The following TAF1 variants were observed in gnomAD, a reference collection of about 807,000 sequenced individuals.
The protein encoded by TAF1 is TATA-box binding protein associated factor 1, also known as transcription initiation factor TFIID subunit 1.
A neutral mutation model predicts 138.5 loss-of-function variants in TAF1; 2 were observed. That is an observed-to-expected ratio of 0.01 (90% confidence interval 0.01 to 0.05). TAF1 has a LOEUF of 0.05. Among genes scored for constraint, TAF1 ranks in the 10% least tolerant of loss-of-function variants. TAF1 has a pLI of 1.00. For missense variants in TAF1, 709 were observed against 1,478.0 expected (o/e 0.48, Z 8.53); for synonymous variants, 437 against 503.2 (o/e 0.87, Z 1.76).
chrX:71,489,510 C>T lies in TAF1; in HGVS notation c.1366+28707C>T, dbSNP rs960376350. Among the ~76,000 whole-genome samples, 8 of 109,879 alleles carry T rather than the reference C, an allele frequency of 7.3e-5. No individual in the cohort carries two copies. The Admixed American group carries it at 7.8e-4, about 11-fold the overall frequency. On this transcript the variant is annotated intron_variant and NMD_transcript_variant, in intron 13 of 14. Transcript: ENST00000373775. ...TGACCAACATGGAGAAACCCCGTCT[C>T]TACTGAAAATACAAAATTAGCTGGG...
chrX:71,443,054 G>T (rs1450768834), intron 32 of TAF1, among the ~76,000 whole-genome samples: 1 of 111,892 alleles, frequency 8.9e-6, no homozygotes, highest in East Asian at 2.8e-4. Context: ...TGCTGTTTTG[G>T]TTACTGTAGC....
At chrX:71,494,180 T>C (rs748810049) in intron 13 of TAF1, among the ~76,000 whole-genome samples, 1 of 111,511 alleles carries the variant, frequency 9.0e-6, no homozygotes, top group Non-Finnish European at 1.9e-5. Flanking sequence ...CCCAGCACTT[T>C]GGGAGGCCAA....
At chrX:71,513,699 T>C (rs764879324) in intron 13 of TAF1, among the ~76,000 whole-genome samples, 149 of 111,398 alleles carry the variant, frequency 1.3e-3, no homozygotes, top group South Asian at 1.9e-3. Context: ...CTGGGCAACA[T>C]AGTGAGACCC....
chrX:71,379,132 TGAG>T, intron 8 of TAF1, 101 bp downstream of exon 8: 1 of 797,534 alleles, frequency 1.3e-6, no homozygotes, highest in African/African-American at 2.4e-5. Flanking sequence ...TTTTTTTCGG[TGAG>T]ACAGAGTTTC....
chrX:71,507,654 T>C (rs938179249), intron 13 of TAF1, among the ~76,000 whole-genome samples: 3 of 110,639 alleles, frequency 2.7e-5, no homozygotes, highest in African/African-American at 9.9e-5. Context: ...GGGTTCTGCC[T>C]GTGTTGTCCA....
downstream of TAF1, among the ~76,000 whole-genome samples, chrX:71,469,784 C>T (rs59220109): frequency 0.012 from 1,322 of 111,070 alleles, 20 homozygotes; most frequent in African/African-American, 0.041. Context: ...TCACCGCAAC[C>T]TCTACCTCCC....
intron 3 of TAF1, among the ~76,000 whole-genome samples, chrX:71,373,681 C>G (rs995786051): frequency 2.7e-5 from 3 of 111,074 alleles, no homozygotes; most frequent in African/African-American, 9.8e-5. Context: ...GCAGAAGAGT[C>G]GTGGAGTTGT....
chrX:71,483,803 T>TATATATATATATAC (rs1290090578), intron 13 of TAF1, among the ~76,000 whole-genome samples: 22 of 92,852 alleles, frequency 2.4e-4, no homozygotes, highest in African/African-American at 9.0e-4. Context: ...TATATATATA[T>TATATATATATATAC]ACACACACAT....
At chrX:71,368,292 G>A in intron 3 of TAF1, 122 bp downstream of exon 3, 1 of 677,627 alleles carries the variant, frequency 1.5e-6, no homozygotes, top group Non-Finnish European at 2.2e-6. Context: ...CCTTTGCTTT[G>A]GCTCCTCCAC....
chrX:71,389,794 T>G (rs2034454042), intron 18 of TAF1, 129 bp downstream of exon 18: 7 of 462,546 alleles, frequency 1.5e-5, no homozygotes, highest in Non-Finnish European at 1.7e-5. Flanking sequence ...TGTTCTTGCT[T>G]TATTCATGCC....
intron 13 of TAF1, among the ~76,000 whole-genome samples, chrX:71,525,833 T>G (rs933081821): frequency 1.9e-5 from 2 of 106,970 alleles, no homozygotes; most frequent in African/African-American, 6.8e-5. Flanking sequence ...TTTTTGTATT[T>G]TTTTTTTTTT....
chrX:71,419,853 T>G (rs2036235274), intron 28 of TAF1, among the ~76,000 whole-genome samples: 1 of 111,795 alleles, frequency 8.9e-6, no homozygotes, highest in Non-Finnish European at 1.9e-5. Context: ...CCAGAGTGAA[T>G]AAGCAGCCTC....
At chrX:71,374,681 A>T (rs2033342744) in intron 3 of TAF1, among the ~76,000 whole-genome samples, 1 of 110,313 alleles carries the variant, frequency 9.1e-6, no homozygotes, top group Admixed American at 9.7e-5. Flanking sequence ...TTCTGGGCTC[A>T]AGTGATCTGC....
chrX:71,424,362 C>T, intron 32 of TAF1, 124 bp downstream of exon 32: 1 of 403,191 alleles, frequency 2.5e-6, no homozygotes, highest in Non-Finnish European at 4.0e-6. Flanking sequence ...AGGCTGGATG[C>T]TGTGGTGTGA....
At chrX:71,502,057 A>C (rs985730465) in intron 13 of TAF1, among the ~76,000 whole-genome samples, 1 of 111,191 alleles carries the variant, frequency 9.0e-6, no homozygotes, top group Non-Finnish European at 1.9e-5. Flanking sequence ...TATTGTGAAG[A>C]GTGAAAGAAC....
intron 13 of TAF1, among the ~76,000 whole-genome samples, chrX:71,504,763 A>G (rs1432888236): frequency 2.0e-5 from 2 of 101,161 alleles, no homozygotes; most frequent in African/African-American, 7.4e-5. Flanking sequence ...AAAAAAAAAA[A>G]AAAAAAAAAA....
At position 71,463,703 on chromosome X, in the gene TAF1, AC is replaced by A. The variant is rs778936460; in HGVS notation, c.5400-119del. The A allele has an allele frequency of 1.3e-4, 85 of 654,826 alleles. No homozygotes were observed. In the African/African-American group the frequency reaches 1.7e-3, roughly 13 times the overall value. 54.0% of individuals were successfully genotyped at this position (654,826 alleles called of 1,213,427 possible). On this transcript the variant is annotated intron_variant, in intron 37 of 37. Transcript: ENST00000423759. Reference sequence around the variant, plus strand: ...TCAGGGACATGTAGAATAGTCCAGAACCAGTCACTTTAGTGTCCAGGGGAGG... The same window carrying A: ...TCAGGGACATGTAGAATAGTCCAGAACAGTCACTTTAGTGTCCAGGGGAGG...
At chrX:71,406,158 G>C (rs1216518123) in intron 25 of TAF1, among the ~76,000 whole-genome samples, 1 of 109,435 alleles carries the variant, frequency 9.1e-6, no homozygotes, top group Admixed American at 9.9e-5. Flanking sequence ...GTGAGACCCT[G>C]TCTCTACTAA....
chrX:71,388,448 G>A, intron 16 of TAF1, 70 bp downstream of exon 16: 1 of 1,147,652 alleles, frequency 8.7e-7, no homozygotes, highest in Non-Finnish European at 1.2e-6. Context: ...TTGAGTTAAA[G>A]GATAAGCATA....
Sources: gnomAD v4.1 joint callset for allele counts (sites outside exome capture counted in the v4.1 genomes callset) on GRCh38, gnomAD v4.1.1 for gene constraint, MANE v1.5 for transcripts, NCBI Gene and HGNC (gene_info 2026-07-23, HGNC 2026-07-21) for gene names.